ZHX2: variants seen among roughly 807,000 people sequenced by gnomAD.
The protein encoded by ZHX2 is zinc fingers and homeoboxes 2, also known as zinc fingers and homeoboxes protein 2.
A neutral mutation model predicts 21.9 loss-of-function variants in ZHX2; 6 were observed. The observed-to-expected ratio is 0.27, with a 90% CI of 0.15 to 0.54. The LOEUF (loss-of-function observed/expected upper bound fraction) is 0.54. Among genes scored for constraint, ZHX2 ranks in the 20% least tolerant of loss-of-function variants. The pLI is 0.95. For synonymous variants in ZHX2, 434 were observed against 437.1 expected, an observed-to-expected ratio of 0.99 and a Z score of 0.09; for missense variants, 908 against 1,090.7, an observed-to-expected ratio of 0.83 and a Z score of 2.36.
At chr8:122,798,978 A>G (rs770029169) in intron 1 of ZHX2, among the ~76,000 whole-genome samples, 1 of 152,178 alleles carries the variant, frequency 6.6e-6, no homozygotes, top group Non-Finnish European at 1.5e-5. Flanking sequence ...CTGGGGCTTT[A>G]TAAGAGAGGC....
intron 1 of ZHX2, among the ~76,000 whole-genome samples, chr8:122,798,847 C>T (rs1817663243): frequency 6.6e-6 from 1 of 151,938 alleles, no homozygotes; most frequent in African/African-American, 2.4e-5. Flanking sequence ...TCTCTTCAAC[C>T]AACTGACCCT....
chr8:122,884,326 C>T (rs1819787494), intron 2 of ZHX2, among the ~76,000 whole-genome samples: 1 of 152,214 alleles, frequency 6.6e-6, no homozygotes, highest in Non-Finnish European at 1.5e-5. Context: ...CTGTTTCTCA[C>T]TGATAAAGCT....
At chr8:122,925,661 CAG>C (rs1241491081) in intron 2 of ZHX2, among the ~76,000 whole-genome samples, 2 of 152,080 alleles carry the variant, frequency 1.3e-5, no homozygotes, top group Admixed American at 1.3e-4. Context: ...CTGGTTCAGG[CAG>C]AGAGAACAGC....
intron 1 of ZHX2, among the ~76,000 whole-genome samples, chr8:122,814,058 A>G (rs1817981907): frequency 6.6e-6 from 1 of 152,186 alleles, no homozygotes; most frequent in Non-Finnish European, 1.5e-5. Context: ...GAGAGAGAAG[A>G]CTGGAACCCC....
At chr8:122,917,581 T>C (rs1820635671) in intron 2 of ZHX2, among the ~76,000 whole-genome samples, 1 of 152,198 alleles carries the variant, frequency 6.6e-6, no homozygotes, top group Admixed American at 6.5e-5. Flanking sequence ...GACATAGATC[T>C]TTGAAACCTA....
intron 2 of ZHX2, among the ~76,000 whole-genome samples, chr8:122,895,016 A>AT (rs1820064251): frequency 1.3e-5 from 2 of 152,256 alleles, no homozygotes; most frequent in Middle Eastern, 3.4e-3. Context: ...ATGCAGAGGC[A>AT]TTTTTTCTCT....
chr8:122,915,963 C>A (rs570620324), intron 2 of ZHX2, among the ~76,000 whole-genome samples: 78 of 152,210 alleles, frequency 5.1e-4, no homozygotes, highest in Admixed American at 1.1e-3. Flanking sequence ...TCTTCCTCCC[C>A]CTTCCTGCAG....
chr8:122,951,891 C>G lies in ZHX2; in HGVS notation c.381C>G (p.Asp127Glu). Reference protein sequence around the residue: ...FTTKKYDSLSDHNSKFHPGEA... With the variant: ...FTTKKYDSLSEHNSKFHPGEA... ...CCAAAAAGTACGACTCCCTATCCGA[C>G]CACAACTCCAAGTTCCATCCCGGGG... Residue 127 changes from aspartate to glutamate, a missense_variant, in exon 3 of 4, where the codon GAC becomes GAG. Around this residue, in one of 4 missense-constraint regions of ZHX2, gnomAD observed 220 missense variants for 251.4 expected, o/e 0.88. Coordinates refer to ENST00000314393, the MANE Select transcript of ZHX2 (RefSeq NM_014943.5). 6.2e-7 allele frequency: 1 copy of G among 1,614,138 alleles called. No individual in the cohort carries two copies. The highest frequency in any genetic ancestry group is 8.5e-7 in the Non-Finnish European group (1 of 1,180,020).
At chr8:122,843,198 C>A (rs1563750872) in intron 1 of ZHX2, among the ~76,000 whole-genome samples, 1 of 152,202 alleles carries the variant, frequency 6.6e-6, no homozygotes, top group East Asian at 1.9e-4. Context: ...ATGCCAGACT[C>A]TGTGTTAGAT....
chr8:122,813,213 GAAAA>G (rs1817967846), intron 1 of ZHX2, among the ~76,000 whole-genome samples: 1 of 142,976 alleles, frequency 7.0e-6, no homozygotes, highest in Admixed American at 7.0e-5. Context: ...AAAAAAAAAA[GAAAA>G]AAAAGAAGTA....
intron 1 of ZHX2, among the ~76,000 whole-genome samples, chr8:122,786,458 C>G (rs1377735371): frequency 6.6e-6 from 1 of 152,124 alleles, no homozygotes; most frequent in Non-Finnish European, 1.5e-5. Flanking sequence ...TGTTACTTAC[C>G]TCAATTTTCT....
intron 2 of ZHX2, among the ~76,000 whole-genome samples, chr8:122,916,851 C>T (rs1191782922): frequency 6.6e-6 from 1 of 152,174 alleles, no homozygotes; most frequent in Admixed American, 6.5e-5. Flanking sequence ...GGCTTCGTCT[C>T]CTGCCACTGT....
chr8:122,834,229 A>G (rs1818448170), intron 1 of ZHX2, among the ~76,000 whole-genome samples: 1 of 152,184 alleles, frequency 6.6e-6, no homozygotes, highest in Non-Finnish European at 1.5e-5. Flanking sequence ...AAGTGATGGT[A>G]GTTGCCAGGG....
At chr8:122,896,400 A>G (rs1046013486) in intron 2 of ZHX2, among the ~76,000 whole-genome samples, 1 of 152,224 alleles carries the variant, frequency 6.6e-6, no homozygotes, top group Non-Finnish European at 1.5e-5. Flanking sequence ...ATAAAAGCCT[A>G]TGACACAATG....
intron 2 of ZHX2, among the ~76,000 whole-genome samples, chr8:122,948,891 A>G (rs1459647793): frequency 2.0e-5 from 3 of 152,276 alleles, no homozygotes; most frequent in East Asian, 1.9e-4. Flanking sequence ...TATTTCAGCT[A>G]TCAAGACAGG....
chr8:122,783,048 A>T (rs1321960499), intron 1 of ZHX2, among the ~76,000 whole-genome samples: 1 of 152,072 alleles, frequency 6.6e-6, no homozygotes, highest in Non-Finnish European at 1.5e-5. Flanking sequence ...TGAGCCTGGG[A>T]GGCGGAGGAG....
At position 122,953,662 on chromosome 8, in the gene ZHX2, G is replaced by T. The variant is rs1352191399; in HGVS notation, c.2152G>T (p.Glu718Ter). 6.2e-7 allele frequency: 1 copy of T among 1,614,234 alleles called. No individual in the cohort carries two copies. Reference sequence around the variant, plus strand: ...AAGGAAAGCAACAAAACCCATGGCCGAGAGCCCAAAGAACGGGGGTGATGT... The same window carrying T: ...AAGGAAAGCAACAAAACCCATGGCCTAGAGCCCAAAGAACGGGGGTGATGT... ...VARKATKPMA[E>*]SPKNGGDVVP... The change falls in exon 3 of 4, where the codon GAG becomes TAG. Residue 718 changes from glutamate to a stop codon, truncating the protein, a stop_gained. Coordinates refer to ENST00000314393, the MANE Select transcript of ZHX2 (RefSeq NM_014943.5). LOFTEE classifies it low-confidence loss of function (END_TRUNC). The surrounding 1 kb of genome is among the most constrained non-coding windows in gnomAD (Gnocchi z 4.6).
At chr8:122,847,923 C>T (rs562463401) in intron 1 of ZHX2, among the ~76,000 whole-genome samples, 4 of 152,228 alleles carry the variant, frequency 2.6e-5, no homozygotes, top group Admixed American at 6.5e-5. Flanking sequence ...AGTAATGAAC[C>T]GAGCTTTACT....
chr8:122,842,945 G>A (rs1223261080), intron 1 of ZHX2, among the ~76,000 whole-genome samples: 1 of 152,244 alleles, frequency 6.6e-6, no homozygotes, highest in African/African-American at 2.4e-5. Flanking sequence ...ACAGGTTGGG[G>A]CAGGTGAGGC....
Sources: allele counts gnomAD v4.1 joint callset (sites outside exome capture counted in the v4.1 genomes callset), GRCh38; gene constraint gnomAD v4.1.1; regional missense constraint gnomAD v4.1.1; non-coding constraint Gnocchi (gnomAD v3.1); transcripts MANE v1.5; gene names NCBI Gene and HGNC (gene_info 2026-07-23, HGNC 2026-07-21).